The following CAMSAP1 variants were observed in gnomAD, a reference collection of about 807,000 sequenced individuals.
CAMSAP1 encodes the protein calmodulin-regulated spectrin-associated protein 1.
In CAMSAP1, 58 loss-of-function variants were observed where a neutral mutation model predicts 143.5. The observed-to-expected ratio is 0.40, with a 90% confidence interval of 0.33 to 0.50. CAMSAP1 has a LOEUF of 0.50. Ranked by LOEUF, CAMSAP1 falls within the 20% of genes least tolerant of loss-of-function variation. The pLI is 0.45. For synonymous variants in CAMSAP1, 945 were observed against 859.3 expected (o/e 1.10, Z -1.74); for missense variants, 1,969 against 2,115.7 (o/e 0.93, Z 1.36).
rs1278501592 is a variant in CAMSAP1 at position 135,846,616 on chromosome 9, T to C, written c.1045+3521A>G. ...CAACCTACAGAAGGGAAGAAAATTT[T>C]TGCAATCTATCCAACTGACAAAGGG... On this transcript the variant is annotated intron_variant, in intron 7 of 16. Coordinates refer to ENST00000389532, the MANE Select transcript of CAMSAP1 (RefSeq NM_015447.4). Among the ~76,000 whole-genome samples the C allele has an allele frequency of 5.3e-5, 8 of 151,380 alleles. No homozygotes were observed. The South Asian group carries it at 8.4e-4, about 16-fold the overall frequency.
chr9:135,845,592 T>A (rs958549522), intron 7 of CAMSAP1, among the ~76,000 whole-genome samples: 3 of 152,222 alleles, frequency 2.0e-5, no homozygotes, highest in Non-Finnish European at 4.4e-5. Flanking sequence ...TGTTTGCAGA[T>A]GACATGATTG....
intron 5 of CAMSAP1, among the ~76,000 whole-genome samples, chr9:135,856,493 T>C (rs1297803226): frequency 6.6e-6 from 1 of 152,148 alleles, no homozygotes; most frequent in Non-Finnish European, 1.5e-5. Flanking sequence ...CCAAACCTTA[T>C]CACTGCCCAT....
rs1458449268 is a variant in CAMSAP1, at chr9:135,850,048, C to T, written c.1045+89G>A. 8 of 1,083,282 alleles carry T rather than the reference C, an allele frequency of 7.4e-6. No homozygotes were observed. In the Admixed American group the frequency reaches 8.6e-5, roughly 12 times the overall value. The allele number at this position is 1,083,282 out of a possible 1,614,324, so 67.1% of individuals were successfully genotyped here. A position where few individuals can be genotyped will look rare whatever the true frequency, so the allele number is the denominator to read the frequency against. On this transcript the variant is annotated intron_variant, in intron 7 of 16. Coordinates refer to ENST00000389532, the MANE Select transcript of CAMSAP1 (RefSeq NM_015447.4). ...AGGCTCTTCCAAGAACTCTGCTGTG[C>T]GAGAAACATGGAACCACTGGAGAGT...
intron 5 of CAMSAP1, among the ~76,000 whole-genome samples, chr9:135,851,176 CG>C (rs1368848163): frequency 4.6e-5 from 7 of 152,194 alleles, no homozygotes; most frequent in African/African-American, 1.7e-4. Flanking sequence ...GCGGAGAGCA[CG>C]GTGCAGCTCA....
chr9:135,869,927 G>C (rs1837514093), intron 3 of CAMSAP1, among the ~76,000 whole-genome samples: 1 of 152,212 alleles, frequency 6.6e-6, no homozygotes, highest in Non-Finnish European at 1.5e-5. Context: ...GCCAGGCACG[G>C]AAGATCACAT....
intron 5 of CAMSAP1, among the ~76,000 whole-genome samples, chr9:135,855,915 G>A (rs989640781): frequency 1.3e-5 from 2 of 152,068 alleles, no homozygotes; most frequent in African/African-American, 2.4e-5. Flanking sequence ...AGCCGGGCGC[G>A]GTGGCGGGCG....
chr9:135,851,804 T>C (rs1836793135), intron 5 of CAMSAP1, among the ~76,000 whole-genome samples: 1 of 152,252 alleles, frequency 6.6e-6, no homozygotes, highest in African/African-American at 2.4e-5. Flanking sequence ...CTCCACGATT[T>C]CTCACAATTA....
At chr9:135,875,087 T>A (rs1837695432) in intron 3 of CAMSAP1, among the ~76,000 whole-genome samples, 2 of 152,204 alleles carry the variant, frequency 1.3e-5, no homozygotes, top group South Asian at 4.1e-4. Context: ...ACATCAATTC[T>A]CCCGAAATTC....
rs1588466636 is a variant in CAMSAP1 at position 135,844,157 on chromosome 9, A to G, written c.1045+5980T>C. On this transcript the variant is annotated intron_variant, in intron 7 of 16. Transcript: ENST00000389532. ...AATCAACAGAATACACATTCTTCTC[A>G]GCACCACGTAGCACTTACTCTAAAA... 2.6e-5 allele frequency among the ~76,000 whole-genome samples: 4 copies of G among 152,326 alleles called. No individual in the cohort carries two copies. The East Asian group carries it at 7.7e-4, about 29-fold the overall frequency.
At chr9:135,905,805 A>G (rs776507881) in intron 1 of CAMSAP1, among the ~76,000 whole-genome samples, 1 of 152,172 alleles carries the variant, frequency 6.6e-6, no homozygotes, top group Non-Finnish European at 1.5e-5. Context: ...AGTGACTGCA[A>G]GATACCCAGG....
At chr9:135,875,686 G>C (rs1837720606) in intron 3 of CAMSAP1, among the ~76,000 whole-genome samples, 1 of 152,150 alleles carries the variant, frequency 6.6e-6, no homozygotes. Context: ...ATTCAATAAG[G>C]AAAGGAAAAT....
Position 135,811,520 on chromosome 9 carries a change from G to A in CAMSAP1, c.4598C>T (p.Thr1533Ile). Residue 1533 changes from threonine (T) to isoleucine (I), a missense_variant, in exon 17 of 17, where the codon ACT becomes ATT. Thr to Ile is a moderately conservative substitution (Grantham distance 89, BLOSUM62 -1). Coordinates refer to ENST00000389532, the MANE Select transcript of CAMSAP1 (RefSeq NM_015447.4). The surrounding 1 kb of genome is among the most constrained non-coding windows in gnomAD (Gnocchi z 4.9). ...GCCAGTGAGTTTGTAGATTTCCTCAGTATCAGGATAGTAGCAGTAAAGCGC... is the reference window on the plus strand; with the variant it reads ...GCCAGTGAGTTTGTAGATTTCCTCAATATCAGGATAGTAGCAGTAAAGCGC... ...FRALYCYYPDTEEIYKLTGTG... is the reference protein window; with the variant it reads ...FRALYCYYPDIEEIYKLTGTG... 3.1e-6 allele frequency: 5 copies of A among 1,608,818 alleles called. No individual in the cohort carries two copies. The highest frequency in any genetic ancestry group is 4.2e-6 in the Non-Finnish European group (5 of 1,177,304).
intron 7 of CAMSAP1, among the ~76,000 whole-genome samples, chr9:135,844,230 A>G (rs1204063232): frequency 6.6e-6 from 1 of 152,212 alleles, no homozygotes; most frequent in Non-Finnish European, 1.5e-5. Context: ...ATGCCAAAGA[A>G]CGGAAATCAT....
intron 1 of CAMSAP1, among the ~76,000 whole-genome samples, chr9:135,900,577 C>T (rs1240421558): frequency 6.6e-6 from 1 of 151,302 alleles, no homozygotes; most frequent in Non-Finnish European, 1.5e-5. Context: ...CGCCTGTAGT[C>T]CCAGCTACTC....
chr9:135,843,642 C>G (rs867541279), intron 7 of CAMSAP1, among the ~76,000 whole-genome samples: 1 of 151,986 alleles, frequency 6.6e-6, no homozygotes, highest in African/African-American at 2.4e-5. Context: ...GAGGCCGAGA[C>G]AGGTGGATCA....
rs191281491 is a variant in CAMSAP1, at chr9:135,883,081, A to G, written c.161-3T>C. On this transcript the variant is annotated splice_polypyrimidine_tract_variant and splice_region_variant and intron_variant, in intron 1 of 16. Transcript: ENST00000389532. ...TCTGAGGTCCTCAGGGATGTTATCTAAGACAGGGAGGGGATGACCAGGTGA... is the reference window on the plus strand; with the variant it reads ...TCTGAGGTCCTCAGGGATGTTATCTGAGACAGGGAGGGGATGACCAGGTGA... The G allele has an allele frequency of 1.1e-5, 17 of 1,551,546 alleles. No homozygotes were observed. In the East Asian group the frequency reaches 3.9e-4, roughly 36 times the overall value.
chr9:135,828,285 G>C (rs113573333), intron 7 of CAMSAP1, among the ~76,000 whole-genome samples: 1 of 152,236 alleles, frequency 6.6e-6, no homozygotes, highest in African/African-American at 2.4e-5. Flanking sequence ...GCAAGAGGTG[G>C]GGCCATATGG....
intron 1 of CAMSAP1, among the ~76,000 whole-genome samples, chr9:135,898,366 C>T (rs907431600): frequency 1.3e-5 from 2 of 152,120 alleles, no homozygotes; most frequent in Non-Finnish European, 2.9e-5. Context: ...TCCAACTGGC[C>T]AGGCGTGGTG....
chr9:135,830,436 G>A (rs983984452), intron 7 of CAMSAP1, among the ~76,000 whole-genome samples: 3 of 152,204 alleles, frequency 2.0e-5, no homozygotes, highest in Non-Finnish European at 4.4e-5. Flanking sequence ...AGACAAAAGA[G>A]ACTTTACATC....
Sources: allele counts gnomAD v4.1 joint callset (sites outside exome capture counted in the v4.1 genomes callset), GRCh38; gene constraint gnomAD v4.1.1; non-coding constraint Gnocchi (gnomAD v3.1); transcripts MANE v1.5; gene names NCBI Gene and HGNC (gene_info 2026-07-23, HGNC 2026-07-21).